FOXP2: variants seen among roughly 807,000 people sequenced by gnomAD.
FOXP2 encodes the protein forkhead box protein P2.
Under a neutral mutation model 115.8 loss-of-function variants are expected in FOXP2, and 12 were observed. The ratio of observed to expected loss-of-function variants is 0.10; its 90% CI spans 0.07 to 0.17. The LOEUF (loss-of-function observed/expected upper bound fraction) is 0.17. FOXP2 is among the 10% of genes least tolerant of loss of function. The probability of loss-of-function intolerance (pLI) is 1.00; values close to 1 mark genes in which losing one functional copy is unlikely to be tolerated. For missense variants in FOXP2, 629 were observed against 843.5 expected, an observed-to-expected ratio of 0.75 and a Z score of 3.15; for synonymous variants, 328 against 297.7, an observed-to-expected ratio of 1.10 and a Z score of -1.05.
intron 1 of FOXP2, among the ~76,000 whole-genome samples, chr7:114,167,597 G>A (rs1793015581): frequency 1.3e-5 from 2 of 152,048 alleles, no homozygotes; most frequent in African/African-American, 4.8e-5. Context: ...TTCCCGTGCT[G>A]TTCTCGTGAT....
intron 2 of FOXP2, among the ~76,000 whole-genome samples, chr7:114,513,540 T>G (rs1798179100): frequency 6.6e-6 from 1 of 152,114 alleles, no homozygotes; most frequent in South Asian, 2.1e-4. Flanking sequence ...TAACATAGCC[T>G]TCTGTGGGAT....
At chr7:114,672,094 T>C (rs1239491765) in intron 16 of FOXP2, among the ~76,000 whole-genome samples, 1 of 152,228 alleles carries the variant, frequency 6.6e-6, no homozygotes, top group Non-Finnish European at 1.5e-5. Flanking sequence ...TTTAGTTTGT[T>C]CAACATTATC....
At chr7:114,526,977 G>A (rs1584853712) in intron 2 of FOXP2, among the ~76,000 whole-genome samples, 1 of 143,812 alleles carries the variant, frequency 7.0e-6, no homozygotes, top group African/African-American at 2.6e-5. Flanking sequence ...CTGGGCCCTT[G>A]TAACCACTAA....
Position 114,378,773 on chromosome 7 carries a change from A to G in FOXP2, c.-10-47729A>G, listed in dbSNP as rs2894696. Among the ~76,000 whole-genome samples the G allele has an allele frequency of 3.7e-3, 559 of 149,736 alleles. 17 individuals are homozygous for G. Among genetic ancestry groups the G allele is most frequent in the Admixed American group, 0.03 (458 of 15,038 alleles). On this transcript the variant is annotated intron_variant, in intron 2 of 17. Coordinates refer to the FOXP2 transcript ENST00000634411. Reference sequence around the variant, plus strand: ...AGCCTTCTGCTGTCTGGTACCTACAAGAATTCTACATTTAGAGTAGGTGCT... The same window carrying G: ...AGCCTTCTGCTGTCTGGTACCTACAGGAATTCTACATTTAGAGTAGGTGCT...
chr7:114,130,106 G>A (rs1791830134), intron 1 of FOXP2, among the ~76,000 whole-genome samples: 1 of 152,040 alleles, frequency 6.6e-6, no homozygotes, highest in Admixed American at 6.6e-5. Context: ...TTGAGCCCAG[G>A]AGTTCAAGAC....
intron 1 of FOXP2, among the ~76,000 whole-genome samples, chr7:114,228,290 T>C (rs1794792013): frequency 6.6e-6 from 1 of 151,982 alleles, no homozygotes; most frequent in Non-Finnish European, 1.5e-5. Flanking sequence ...TCAACTCTAG[T>C]AGTAAAGAAC....
chr7:114,611,502 G>C (rs549550968), intron 3 of FOXP2, among the ~76,000 whole-genome samples: 1 of 152,100 alleles, frequency 6.6e-6, no homozygotes, highest in East Asian at 1.9e-4. Context: ...CACAGGTTAC[G>C]CAGCAGTGAC....
At chr7:114,587,059 C>CTT (rs199926586) in intron 3 of FOXP2, among the ~76,000 whole-genome samples, 23 of 140,714 alleles carry the variant, frequency 1.6e-4, no homozygotes, top group East Asian at 1.0e-3. Flanking sequence ...TGTGCTATTT[C>CTT]TTTTTTTTTT....
intron 14 of FOXP2, among the ~76,000 whole-genome samples, chr7:114,663,138 G>A (rs1806965977): frequency 6.6e-6 from 1 of 152,032 alleles, no homozygotes. Context: ...AATTTTGTAT[G>A]AATGTTGCTG....
chr7:114,326,616 T>C (rs1797562595), intron 2 of FOXP2, among the ~76,000 whole-genome samples: 1 of 152,128 alleles, frequency 6.6e-6, no homozygotes, highest in Non-Finnish European at 1.5e-5. Context: ...TATCTTTTGG[T>C]AAATAATAAA....
At chr7:114,146,354 G>A (rs528385602) in intron 1 of FOXP2, among the ~76,000 whole-genome samples, 8 of 152,240 alleles carry the variant, frequency 5.3e-5, no homozygotes, top group East Asian at 3.9e-4. Context: ...ATATGACCCC[G>A]TTCGCTAGTA....
intron 1 of FOXP2, among the ~76,000 whole-genome samples, chr7:114,168,673 C>T (rs191881643): frequency 3.9e-5 from 6 of 152,298 alleles, no homozygotes; most frequent in African/African-American, 1.4e-4. Context: ...TTCAAGCCTA[C>T]TGCACAAATT....
At chr7:114,493,941 T>C (rs1797189195) in intron 2 of FOXP2, among the ~76,000 whole-genome samples, 1 of 152,018 alleles carries the variant, frequency 6.6e-6, no homozygotes, top group Non-Finnish European at 1.5e-5. Context: ...AATATTATTA[T>C]TTGTCTTTAA....
chr7:114,489,844 C>G (rs1251710775), intron 2 of FOXP2, among the ~76,000 whole-genome samples: 2 of 152,070 alleles, frequency 1.3e-5, no homozygotes, highest in Non-Finnish European at 2.9e-5. Context: ...CATTGTATGT[C>G]ATCAAGGAAA....
chr7:114,226,553 C>T (rs1794753929), intron 1 of FOXP2, among the ~76,000 whole-genome samples: 1 of 152,056 alleles, frequency 6.6e-6, no homozygotes, highest in African/African-American at 2.4e-5. Context: ...CATGCTATAG[C>T]AAGAAGAGTT....
intron 3 of FOXP2, among the ~76,000 whole-genome samples, chr7:114,580,945 C>G (rs906637833): frequency 1.3e-5 from 2 of 151,742 alleles, no homozygotes; most frequent in African/African-American, 4.8e-5. Flanking sequence ...AGTAAGATAG[C>G]ACAGAGAAGT....
chr7:114,298,932 T>C (rs1489279573), intron 2 of FOXP2, among the ~76,000 whole-genome samples: 1 of 152,178 alleles, frequency 6.6e-6, no homozygotes, highest in Non-Finnish European at 1.5e-5. Flanking sequence ...ATGAAAATAT[T>C]AGTAAGAACT....
At chr7:114,592,162 A>T (rs1802471658) in intron 3 of FOXP2, among the ~76,000 whole-genome samples, 1 of 152,096 alleles carries the variant, frequency 6.6e-6, no homozygotes, top group Non-Finnish European at 1.5e-5. Flanking sequence ...TTTCAAATTT[A>T]AATTATCATT....
chr7:114,362,825 T>A (rs900956210), intron 2 of FOXP2, among the ~76,000 whole-genome samples: 2 of 152,110 alleles, frequency 1.3e-5, no homozygotes, highest in Non-Finnish European at 2.9e-5. Flanking sequence ...TTTGAAAATA[T>A]GTAGGTGAAC....
Sources: gnomAD v4.1 joint callset for allele counts (sites outside exome capture counted in the v4.1 genomes callset) on GRCh38, gnomAD v4.1.1 for gene constraint, MANE v1.5 for transcripts, NCBI Gene and HGNC (gene_info 2026-07-23, HGNC 2026-07-21) for gene names.